The following FMN2 variants were observed in gnomAD, a reference collection of about 807,000 sequenced individuals.
FMN2 encodes the protein formin-2.
Under a neutral mutation model 142.3 loss-of-function variants are expected in FMN2, and 51 were observed. That is an observed-to-expected ratio of 0.36 (90% CI 0.29 to 0.45). The LOEUF is 0.45. Ranked by LOEUF, FMN2 falls within the 20% of genes least tolerant of loss-of-function variation. The pLI, the probability that FMN2 is intolerant of heterozygous loss-of-function variation, is 1.00. For synonymous variants in FMN2, 882 were observed against 869.8 expected (o/e 1.01, Z -0.25); for missense variants, 1,936 against 2,122.8 (o/e 0.91, Z 1.73).
chr1:240,149,545 G>T (rs1205659287), intron 2 of FMN2, among the ~76,000 whole-genome samples: 2 of 152,050 alleles, frequency 1.3e-5, no homozygotes, highest in African/African-American at 4.8e-5. Flanking sequence ...TTTCTTTTTG[G>T]CATGTTTCTA....
chr1:240,196,540 T>TGA (rs1665917353), intron 4 of FMN2, among the ~76,000 whole-genome samples: 1 of 152,110 alleles, frequency 6.6e-6, no homozygotes, highest in African/African-American at 2.4e-5. Flanking sequence ...ATACAGAGTT[T>TGA]TGCTCTTGTT....
chr1:240,450,525 T>C (rs747259694), intron 16 of FMN2, among the ~76,000 whole-genome samples: 2 of 152,268 alleles, frequency 1.3e-5, no homozygotes, highest in Admixed American at 6.5e-5. Context: ...CCCTAACTAA[T>C]CTTTTAGCAT....
chr1:240,194,718 G>A (rs758553729), intron 4 of FMN2, among the ~76,000 whole-genome samples: 11 of 152,182 alleles, frequency 7.2e-5, no homozygotes, highest in African/African-American at 1.9e-4. Flanking sequence ...TTTAAAGAGC[G>A]GTAGGATTAT....
At position 240,116,852 on chromosome 1, in the gene FMN2, G is replaced by A. The variant is rs147565697; in HGVS notation, c.1616-6327G>A. On this transcript the variant is annotated intron_variant, in intron 1 of 17. Transcript: ENST00000319653. ...TGGAAATCAAATTAGAGCAGACTGA[G>A]CAAGGAGGGAGAGGTAGCAAACGTA... Among the ~76,000 whole-genome samples, 504 of 152,316 alleles carry A rather than the reference G, an allele frequency of 3.3e-3. 3 individuals carry two copies. Among genetic ancestry groups the A allele is most frequent in the African/African-American group, 0.012 (483 of 41,578 alleles).
intron 3 of FMN2, among the ~76,000 whole-genome samples, chr1:240,185,372 T>G (rs1665396416): frequency 3.9e-5 from 6 of 152,206 alleles, no homozygotes; most frequent in Admixed American, 1.3e-4. Context: ...ATTTTCCAGC[T>G]TATGATTTTG....
intron 2 of FMN2, among the ~76,000 whole-genome samples, chr1:240,139,342 G>A (rs1663080946): frequency 2.3e-5 from 1 of 44,148 alleles, no homozygotes; most frequent in Non-Finnish European, 4.6e-5. Context: ...TACTGAATTT[G>A]AGGATACCTC....
intron 8 of FMN2, among the ~76,000 whole-genome samples, chr1:240,325,482 TACAA>T (rs1671141735): frequency 6.6e-6 from 1 of 152,248 alleles, no homozygotes; most frequent in East Asian, 1.9e-4. Context: ...TATATATGCA[TACAA>T]ACACACACAT....
Position 240,092,310 on chromosome 1 carries a change from G to GTCC in FMN2, c.202_204dup (p.Ser68dup). 1 of 1,601,622 alleles carries GTCC rather than the reference G, an allele frequency of 6.2e-7. No homozygotes were observed. The highest frequency in any genetic ancestry group is 8.5e-7 in the Non-Finnish European group (1 of 1,172,594). The stretch of plus-strand genomic sequence containing the variant: ...GGGAGTCGGGCAAGAAGAAGAGCAA[G>GTCC]TCCGACTCCAGAGCCTCGGTGTTTT... On this transcript the variant is annotated inframe_insertion, in exon 1 of 18. Transcript: ENST00000319653.
In FMN2 at chr1:240,206,941, G is replaced by A. The variant is rs1373797878; in HGVS notation, c.2129G>A (p.Gly710Glu). ...ACAGAGGTGGCCAGTGGTCATCAAG[G>A]GCTTGAGAATGGAGTGACAGCCTCA... is the stretch of plus-strand genomic sequence containing the variant. ...LDTEVASGHQ[G>E]LENGVTASGD... Residue 710 changes from glycine to glutamate, a missense_variant, in exon 5 of 18, where the codon GGG becomes GAG. Transcript: ENST00000319653. 3.1e-6 allele frequency: 5 copies of A among 1,614,114 alleles called. No homozygotes were observed. The Middle Eastern group carries it at 4.9e-4, about 160-fold the overall frequency.
rs549012733 is a variant in FMN2, at chr1:240,471,470, G to A, written c.5061-902G>A. Among the ~76,000 whole-genome samples the A allele has an allele frequency of 2.0e-5, 3 of 150,808 alleles. No individual in the cohort carries two copies. The East Asian group carries it at 5.8e-4, about 29-fold the overall frequency. On this transcript the variant is annotated intron_variant, in intron 16 of 17. Transcript: ENST00000319653. ...GGCTCACTGCAAGCTCAGCCTCTTG[G>A]GTTCACACCATTCTCCTGCCTCAAC...
chr1:240,124,921 C>T (rs372395716), intron 2 of FMN2, among the ~76,000 whole-genome samples: 2 of 152,156 alleles, frequency 1.3e-5, no homozygotes, highest in African/African-American at 2.4e-5. Flanking sequence ...CCGCCCCGGC[C>T]TCCCAAAGTG....
chr1:240,308,510 C>G (rs1332571805), intron 8 of FMN2, among the ~76,000 whole-genome samples: 1 of 152,052 alleles, frequency 6.6e-6, no homozygotes, highest in Non-Finnish European at 1.5e-5. Flanking sequence ...TAGTGATAAG[C>G]AGAAAAGAGG....
chr1:240,455,178 A>AAACTGGTGCATAAT (rs66993371), intron 16 of FMN2, among the ~76,000 whole-genome samples: 2,370 of 151,890 alleles, frequency 0.016, 30 homozygotes, highest in Middle Eastern at 0.044. Flanking sequence ...GACCATCGGA[A>AAACTGGTGCATAAT]AGTAAAGAGG....
chr1:240,245,596 T>C (rs1338038237), intron 6 of FMN2: 9 of 471,166 alleles, frequency 1.9e-5, no homozygotes, highest in South Asian at 1.4e-4. Context: ...TGGTTTTCCG[T>C]GCATTTACCC....
rs57065226 is a variant in FMN2 at position 240,459,717 on chromosome 1, TAAAAAAAAAAAAAAAAAAAAA to T, written c.5061-12637_5061-12617del. ...GGGTGACAGAACAAGACTCTGTCTC[TAAAAAAAAAAAAAAAAAAAAA>T]AAAAAAAAAAAAAAAAAGATTGTAG... On this transcript the variant is annotated intron_variant, in intron 16 of 17. Transcript: ENST00000319653. 5.0e-3 allele frequency among the ~76,000 whole-genome samples: 335 copies of T among 67,130 alleles called. 3 individuals carry two copies. The highest frequency in any genetic ancestry group is 0.015 in the East Asian group (29 of 2,000). The allele number at this position is 67,130 out of a possible 152,430, so 44.0% of individuals were successfully genotyped here.
At chr1:240,181,206 G>A (rs943054346) in intron 3 of FMN2, among the ~76,000 whole-genome samples, 5 of 151,808 alleles carry the variant, frequency 3.3e-5, no homozygotes, top group African/African-American at 1.2e-4. Flanking sequence ...GTTTCACCAT[G>A]TTGGCCCAGC....
At chr1:240,396,304 G>A (rs56128962) in intron 15 of FMN2, among the ~76,000 whole-genome samples, 1 of 54,034 alleles carries the variant, frequency 1.9e-5, no homozygotes, top group Non-Finnish European at 3.8e-5. Flanking sequence ...CGAGGTTTTC[G>A]TGTGTGTGTG....
At chr1:240,155,949 C>T (rs1664007157) in intron 2 of FMN2, among the ~76,000 whole-genome samples, 1 of 150,558 alleles carries the variant, frequency 6.6e-6, no homozygotes, top group Non-Finnish European at 1.5e-5. Flanking sequence ...ATATATATCA[C>T]CGTAAAGGGA....
chr1:240,229,339 T>A (rs978994524), intron 6 of FMN2, among the ~76,000 whole-genome samples: 2 of 152,122 alleles, frequency 1.3e-5, no homozygotes, highest in Admixed American at 6.5e-5. Context: ...TTCTTCCCCC[T>A]CTTCCTCACC....
Sources: allele counts gnomAD v4.1 joint callset (sites outside exome capture counted in the v4.1 genomes callset), GRCh38; gene constraint gnomAD v4.1.1; transcripts MANE v1.5; gene names NCBI Gene and HGNC (gene_info 2026-07-23, HGNC 2026-07-21).